ARHGEF4: variants seen among roughly 807,000 people sequenced by gnomAD.
ARHGEF4 encodes the protein APC-stimulated guanine nucleotide exchange factor 1.
ARHGEF4 carries 119 observed loss-of-function variants against 162.0 expected under a neutral mutation model. The ratio of observed to expected loss-of-function variants is 0.73; its 90% CI spans 0.63 to 0.86. ARHGEF4 has a LOEUF of 0.86. ARHGEF4 is among the 40% of genes least tolerant of loss of function. The pLI, the probability that ARHGEF4 is intolerant of heterozygous loss-of-function variation, is 0.00. For missense variants in ARHGEF4, 2,488 were observed against 2,456.0 expected (o/e 1.01, Z -0.28); for synonymous variants, 1,014 against 979.9 (o/e 1.03, Z -0.65).
At chr2:130,939,615 TG>T (rs1169359991) in intron 3 of ARHGEF4, among the ~76,000 whole-genome samples, 1 of 152,226 alleles carries the variant, frequency 6.6e-6, no homozygotes, top group African/African-American at 2.4e-5. Flanking sequence ...AAGTTTGTCT[TG>T]TCTACAAATG....
chr2:130,893,855 A>G (rs760094208), intron 1 of ARHGEF4, among the ~76,000 whole-genome samples: 2 of 152,240 alleles, frequency 1.3e-5, no homozygotes, highest in African/African-American at 2.4e-5. Context: ...GAGAAGAGCC[A>G]CAAGGATTTC....
chr2:130,845,776 G>A (rs1229518392), intron 1 of ARHGEF4, among the ~76,000 whole-genome samples: 2 of 152,238 alleles, frequency 1.3e-5, no homozygotes, highest in African/African-American at 4.8e-5. Context: ...AGCAGCACTA[G>A]GAGGGAGGGA....
At chr2:130,962,922 C>G (rs1684719873) in intron 4 of ARHGEF4, among the ~76,000 whole-genome samples, 1 of 152,124 alleles carries the variant, frequency 6.6e-6, no homozygotes, top group Non-Finnish European at 1.5e-5. Context: ...TTTTTCACCT[C>G]CTGGAATTTG....
chr2:130,876,953 G>A (rs189734535), intron 1 of ARHGEF4, among the ~76,000 whole-genome samples: 8 of 152,302 alleles, frequency 5.3e-5, no homozygotes, highest in African/African-American at 1.9e-4. Flanking sequence ...TGTGTGTCAG[G>A]GCAGAGAATT....
At chr2:131,015,016 G>A (rs768411162) in intron 4 of ARHGEF4, among the ~76,000 whole-genome samples, 1 of 152,140 alleles carries the variant, frequency 6.6e-6, no homozygotes, top group African/African-American at 2.4e-5. Flanking sequence ...TGTGAGCTGC[G>A]GGGCCTAGAT....
intron 1 of ARHGEF4, among the ~76,000 whole-genome samples, chr2:130,871,025 G>T (rs1259643182): frequency 1.3e-5 from 2 of 152,120 alleles, no homozygotes; most frequent in Non-Finnish European, 2.9e-5. Flanking sequence ...CTCCCTAGAA[G>T]CATATCTGCA....
Position 130,916,481 on chromosome 2 carries a change from A to G in ARHGEF4, c.2535A>G (p.Ala845=). ...CGCCCGCTGCGGCCGGTCGGGACGC[A>G]CCGCCTCTGCACCACGGGGACGCCA... ...ENPPAAAGRD[A]PPLHHGDASA... The change falls in exon 2 of 14, where the codon GCA becomes GCG. Residue 845 remains alanine (A), a synonymous_variant. Coordinates refer to ENST00000409359, the MANE Select transcript of ARHGEF4 (RefSeq NM_001367493.1). The G allele has an allele frequency of 6.5e-7, 1 of 1,545,956 alleles. No individual in the cohort carries two copies. The highest frequency in any genetic ancestry group is 8.7e-7 in the Non-Finnish European group (1 of 1,146,414).
chr2:130,924,656 A>G (rs1397140753), intron 2 of ARHGEF4, among the ~76,000 whole-genome samples: 2 of 152,168 alleles, frequency 1.3e-5, no homozygotes, highest in East Asian at 1.9e-4. Flanking sequence ...TTCCAGGGGA[A>G]GCAGGCTCCA....
chr2:130,962,098 G>T (rs892103852), intron 4 of ARHGEF4, among the ~76,000 whole-genome samples: 1 of 152,148 alleles, frequency 6.6e-6, no homozygotes, highest in Admixed American at 6.5e-5. Flanking sequence ...AATTAGCTGG[G>T]CATGGTGGCG....
intron 1 of ARHGEF4, among the ~76,000 whole-genome samples, chr2:130,896,360 A>G (rs1364918877): frequency 2.6e-5 from 4 of 152,154 alleles, no homozygotes; most frequent in Non-Finnish European, 5.9e-5. Flanking sequence ...AGAGCCTCCT[A>G]TTTGTTGTGG....
rs1433980079 is a variant in ARHGEF4 at position 131,040,158 on chromosome 2, G to A, written c.4448G>A (p.Arg1483Gln). ...ATCAACGAGATCCTCAGCACTGAGC[G>A]GGACTACATCAAGCACCTGCGCGAC... ...NVINEILSTE[R>Q]DYIKHLRDIC... Residue 1483 changes from arginine to glutamine, a missense_variant, in exon 7 of 14, where the codon CGG becomes CAG. Transcript: ENST00000409359. 1 of 1,612,708 alleles carries A rather than the reference G, an allele frequency of 6.2e-7. No individual in the cohort carries two copies. The highest frequency in any genetic ancestry group is 8.5e-7 in the Non-Finnish European group (1 of 1,179,274).
intron 2 of ARHGEF4, among the ~76,000 whole-genome samples, chr2:130,922,221 A>G (rs1268740713): frequency 1.3e-5 from 2 of 151,842 alleles, no homozygotes; most frequent in Admixed American, 6.6e-5. Context: ...AACCACAAAA[A>G]TTAGCCGGGC....
intron 4 of ARHGEF4, among the ~76,000 whole-genome samples, chr2:130,987,717 G>A (rs1686617966): frequency 6.6e-6 from 1 of 152,220 alleles, no homozygotes; most frequent in African/African-American, 2.4e-5. Flanking sequence ...CTCACTGGCT[G>A]AGAGCCTGCA....
intron 4 of ARHGEF4, 55 bp from the exon 5 acceptor site, chr2:131,027,890 C>T: frequency 6.2e-7 from 1 of 1,603,976 alleles, no homozygotes; most frequent in Non-Finnish European, 8.5e-7. Flanking sequence ...ACGTGTTCTC[C>T]CCTCAGCCCT....
chr2:130,920,033 T>C (rs1481698856), intron 2 of ARHGEF4, among the ~76,000 whole-genome samples: 2 of 152,144 alleles, frequency 1.3e-5, no homozygotes, highest in Non-Finnish European at 2.9e-5. Flanking sequence ...GCAGGTGCTT[T>C]GGGCCTCAGG....
At position 130,914,544 on chromosome 2, in the gene ARHGEF4, G is replaced by T. The variant is rs1050035773; in HGVS notation, c.598G>T (p.Val200Leu). ...CAGTGGTCCTGAGCCAGTACAGGGG[G>T]TGGCTGTTCAAGACCTCAGAGGGCT... is the stretch of plus-strand genomic sequence containing the variant. ...DSSGPEPVQG[V>L]AVQDLRGLSS... Residue 200 changes from valine (V) to leucine (L), a missense_variant, in exon 2 of 14, where the codon GTG (valine) becomes TTG (leucine). By Grantham distance (32) the Val-to-Leu change is conservative. Around this residue, in one of 6 missense-constraint regions of ARHGEF4, gnomAD observed 81 missense variants for 125.8 expected, o/e 0.64. Transcript: ENST00000409359. The T allele has an allele frequency of 7.1e-7, 1 of 1,414,918 alleles. No individual in the cohort carries two copies. Among genetic ancestry groups the T allele is most frequent in the Non-Finnish European group, 9.2e-7 (1 of 1,090,686 alleles). 87.6% of individuals were successfully genotyped at this position (1,414,918 alleles called of 1,614,324 possible).
At chr2:131,001,885 G>T (rs1430244094) in intron 4 of ARHGEF4, among the ~76,000 whole-genome samples, 1 of 150,908 alleles carries the variant, frequency 6.6e-6, no homozygotes, top group East Asian at 1.9e-4. Context: ...TAAGCACAGA[G>T]ATTTGCCTCT....
At chr2:130,925,307 GAA>G (rs1015866701) in intron 2 of ARHGEF4, among the ~76,000 whole-genome samples, 3 of 152,082 alleles carry the variant, frequency 2.0e-5, no homozygotes, top group Non-Finnish European at 4.4e-5. Flanking sequence ...TAATGGGAAA[GAA>G]GAGAGAACAC....
chr2:130,845,996 C>A (rs1337425476), intron 1 of ARHGEF4, among the ~76,000 whole-genome samples: 1 of 152,124 alleles, frequency 6.6e-6, no homozygotes, highest in African/African-American at 2.4e-5. Context: ...GTGCACCGGT[C>A]GAAACCCTCA....
Sources: allele counts gnomAD v4.1 joint callset (sites outside exome capture counted in the v4.1 genomes callset), GRCh38; gene constraint gnomAD v4.1.1; regional missense constraint gnomAD v4.1.1; transcripts MANE v1.5; gene names NCBI Gene and HGNC (gene_info 2026-07-23, HGNC 2026-07-21).